CREB5: variants seen among roughly 807,000 people sequenced by gnomAD.
CREB5 encodes the protein cAMP responsive element binding protein 5.
A neutral mutation model predicts 57.1 loss-of-function variants in CREB5; 19 were observed. The ratio of observed to expected loss-of-function variants is 0.33; its 90% CI spans 0.23 to 0.49. The LOEUF (loss-of-function observed/expected upper bound fraction) is 0.49. Ranked by LOEUF, CREB5 falls within the 20% of genes least tolerant of loss-of-function variation. The probability of loss-of-function intolerance (pLI) is 0.99; values close to 1 mark genes in which losing one functional copy is unlikely to be tolerated. For synonymous variants in CREB5, 238 were observed against 238.3 expected, an observed-to-expected ratio of 1.00 and a Z score of 0.01; for missense variants, 579 against 671.6, an observed-to-expected ratio of 0.86 and a Z score of 1.52.
At chr7:28,569,470 A>G (rs1342308102) in intron 4 of CREB5, among the ~76,000 whole-genome samples, 1 of 152,100 alleles carries the variant, frequency 6.6e-6, no homozygotes, top group East Asian at 1.9e-4. Flanking sequence ...TATTTTACTT[A>G]CTTTTGAATT....
chr7:28,639,552 G>A (rs943570492), intron 5 of CREB5, among the ~76,000 whole-genome samples: 1 of 152,164 alleles, frequency 6.6e-6, no homozygotes, highest in Non-Finnish European at 1.5e-5. Flanking sequence ...ACAAGTGTGA[G>A]TTGGAATCAA....
chr7:28,742,673 T>A (rs1804440766), intron 7 of CREB5, among the ~76,000 whole-genome samples: 1 of 152,236 alleles, frequency 6.6e-6, no homozygotes, highest in Non-Finnish European at 1.5e-5. Context: ...ACCTAGAAAT[T>A]GTATTCATGA....
chr7:28,359,107 C>T (rs117947624), intron 1 of CREB5, among the ~76,000 whole-genome samples: 3,911 of 151,614 alleles, frequency 0.026, 103 homozygotes, highest in Admixed American at 0.058. Context: ...ATTTGTAAAA[C>T]TGTGGTAGGT....
At chr7:28,481,500 C>T (rs1791331595) in intron 1 of CREB5, among the ~76,000 whole-genome samples, 1 of 152,116 alleles carries the variant, frequency 6.6e-6, no homozygotes, top group Admixed American at 6.6e-5. Flanking sequence ...AAGGTACAGC[C>T]CCACTCTTGG....
chr7:28,688,554 G>A (rs1258365680), intron 5 of CREB5, among the ~76,000 whole-genome samples: 4 of 152,268 alleles, frequency 2.6e-5, no homozygotes, highest in East Asian at 1.9e-4. Context: ...AAGCAAAACC[G>A]TATGTGCTTG....
upstream of CREB5, chr7:28,410,129 G>T: frequency 2.6e-6 from 1 of 383,386 alleles, no homozygotes; most frequent in South Asian, 1.9e-5. Context: ...CACCTCTCCC[G>T]CCGGGCTGCC....
At chr7:28,616,254 G>T (rs1734790444) in intron 5 of CREB5, among the ~76,000 whole-genome samples, 1 of 151,998 alleles carries the variant, frequency 6.6e-6, no homozygotes, top group Non-Finnish European at 1.5e-5. Context: ...TTTCTCTTTG[G>T]GCCATTGGCA....
In CREB5 at chr7:28,453,904, G is replaced by A. The variant is rs114592851; in HGVS notation, c.4-34271G>A. Among the ~76,000 whole-genome samples, 396 of 151,150 alleles carry A rather than the reference G, an allele frequency of 2.6e-3. 3 individuals are homozygous for A. Among genetic ancestry groups the A allele is most frequent in the African/African-American group, 9.1e-3 (371 of 40,650 alleles). ...GACAGGTTTTGTAAACCTTTTTGCT[G>A]GAAGAGGCTCTGGTCCAAACAAATT... On this transcript the variant is annotated intron_variant, in intron 1 of 10. Transcript: ENST00000357727.
chr7:28,824,850 G>A lies in CREB5; in HGVS notation c.*5571G>A, dbSNP rs890896469. 1.3e-5 allele frequency: 2 copies of A among 152,580 alleles called. No homozygotes were observed. Among genetic ancestry groups the A allele is most frequent in the Non-Finnish European group, 2.9e-5 (2 of 68,038 alleles). The allele number at this position is 152,580 out of a possible 1,614,324, so 9.5% of individuals were successfully genotyped here. On this transcript the variant is annotated 3_prime_UTR_variant, in exon 11 of 11. Coordinates refer to ENST00000357727, the MANE Select transcript of CREB5 (RefSeq NM_182898.4). Reference sequence around the variant, plus strand: ...TGTTAAAAGATTAATACTCTTAAGTGGCACTCTGATACCTTTCCAACTTGT... The same window carrying A: ...TGTTAAAAGATTAATACTCTTAAGTAGCACTCTGATACCTTTCCAACTTGT...
intron 4 of CREB5, among the ~76,000 whole-genome samples, chr7:28,519,371 A>T (rs1793110041): frequency 6.6e-6 from 1 of 152,236 alleles, no homozygotes; most frequent in Admixed American, 6.5e-5. Flanking sequence ...TCTGGCAGAC[A>T]TTCTGATTAT....
chr7:28,790,077 T>G (rs1807572907), intron 7 of CREB5, among the ~76,000 whole-genome samples: 1 of 152,248 alleles, frequency 6.6e-6, no homozygotes, highest in African/African-American at 2.4e-5. Context: ...TTTAAAACTT[T>G]TTATTACTTA....
At chr7:28,756,823 T>G (rs1420367115) in intron 7 of CREB5, among the ~76,000 whole-genome samples, 1 of 152,086 alleles carries the variant, frequency 6.6e-6, no homozygotes, top group Non-Finnish European at 1.5e-5. Context: ...TATTGGAAAT[T>G]GACAACAGCA....
chr7:28,655,502 T>C (rs562208969), intron 5 of CREB5, among the ~76,000 whole-genome samples: 23 of 152,144 alleles, frequency 1.5e-4, no homozygotes, highest in African/African-American at 5.5e-4. Context: ...TCCTAGCTAC[T>C]CAGGAAGCTG....
chr7:28,483,507 A>AT (rs1164772042), intron 1 of CREB5, among the ~76,000 whole-genome samples: 2 of 152,098 alleles, frequency 1.3e-5, no homozygotes, highest in African/African-American at 4.8e-5. Context: ...ATCAGGAGGC[A>AT]TTTTTTTCTA....
At chr7:28,503,753 C>A (rs889885081) in intron 3 of CREB5, among the ~76,000 whole-genome samples, 2 of 152,128 alleles carry the variant, frequency 1.3e-5, no homozygotes, top group African/African-American at 4.8e-5. Flanking sequence ...CACACATGAA[C>A]AAAGGAGGTT....
At chr7:28,311,838 C>T (rs1414227695) in intron 1 of CREB5, among the ~76,000 whole-genome samples, 2 of 152,174 alleles carry the variant, frequency 1.3e-5, no homozygotes, top group African/African-American at 4.8e-5. Flanking sequence ...GCAGCAAAAG[C>T]GTCACGTGGC....
intron 1 of CREB5, among the ~76,000 whole-genome samples, chr7:28,306,555 G>GC (rs1785189462): frequency 1.7e-5 from 1 of 58,086 alleles, no homozygotes; most frequent in Admixed American, 2.7e-4. Flanking sequence ...TGTTTTTTTT[G>GC]TTTTTTTTTT....
chr7:28,302,758 C>T (rs949867150), intron 1 of CREB5, among the ~76,000 whole-genome samples: 6 of 152,130 alleles, frequency 3.9e-5, no homozygotes, highest in African/African-American at 1.4e-4. Flanking sequence ...TAAAACACCA[C>T]CTTTAAAGAC....
chr7:28,598,147 T>C (rs1418616080), intron 5 of CREB5, among the ~76,000 whole-genome samples: 1 of 152,198 alleles, frequency 6.6e-6, no homozygotes, highest in African/African-American at 2.4e-5. Flanking sequence ...AGTAATTGAA[T>C]CATGGGAGCT....
Sources: gnomAD v4.1 joint callset for allele counts (sites outside exome capture counted in the v4.1 genomes callset) on GRCh38, gnomAD v4.1.1 for gene constraint, MANE v1.5 for transcripts, NCBI Gene and HGNC (gene_info 2026-07-23, HGNC 2026-07-21) for gene names.